Variants in FILIP1 observed in about 807,000 individuals in gnomAD.
FILIP1 encodes the protein filamin A interacting protein 1.
A neutral mutation model predicts 102.1 loss-of-function variants in FILIP1; 61 were observed. The ratio of observed to expected loss-of-function variants is 0.60; its 90% CI spans 0.49 to 0.74. FILIP1 has a LOEUF of 0.74. Among genes scored for constraint, FILIP1 ranks in the 30% least tolerant of loss-of-function variants. FILIP1 has a pLI of 0.00. For missense variants in FILIP1, 1,314 were observed against 1,441.2 expected (o/e 0.91, Z 1.43); for synonymous variants, 491 against 526.9 (o/e 0.93, Z 0.93).
At chr6:75,340,589 T>A (rs1208900827) in intron 4 of FILIP1, among the ~76,000 whole-genome samples, 1 of 152,236 alleles carries the variant, frequency 6.6e-6, no homozygotes, top group Non-Finnish European at 1.5e-5. Context: ...CAATACCATG[T>A]TATTTTATGA....
chr6:75,298,102 C>T (rs1164874526), intron 6 of FILIP1, among the ~76,000 whole-genome samples: 2 of 152,068 alleles, frequency 1.3e-5, no homozygotes, highest in African/African-American at 2.4e-5. Context: ...TTTTGCACAA[C>T]TTAAGAGTTG....
chr6:75,296,330 C>T (rs930320534), intron 6 of FILIP1, among the ~76,000 whole-genome samples: 20 of 135,266 alleles, frequency 1.5e-4, no homozygotes, highest in Non-Finnish European at 2.7e-4. Flanking sequence ...ATTTACACCT[C>T]TTCAATTTCT....
intron 4 of FILIP1, among the ~76,000 whole-genome samples, chr6:75,346,479 C>T (rs1386970278): frequency 2.6e-5 from 4 of 152,086 alleles, no homozygotes; most frequent in Non-Finnish European, 5.9e-5. Context: ...GTGAAATGAA[C>T]CTCAAGGGCA....
chr6:75,364,052 T>A (rs909727591), intron 2 of FILIP1, among the ~76,000 whole-genome samples: 2 of 152,248 alleles, frequency 1.3e-5, no homozygotes, highest in Non-Finnish European at 2.9e-5. Flanking sequence ...TGTTGCTTTT[T>A]TGGTCTCCAA....
intron 2 of FILIP1, among the ~76,000 whole-genome samples, chr6:75,367,865 CA>C (rs1237626566): frequency 6.6e-6 from 1 of 152,012 alleles, no homozygotes; most frequent in Non-Finnish European, 1.5e-5. Context: ...GAATAAAGTT[CA>C]AAATGTAAGA....
intron 1 of FILIP1, among the ~76,000 whole-genome samples, chr6:75,433,710 A>G (rs913881669): frequency 6.6e-6 from 1 of 152,148 alleles, no homozygotes; most frequent in Non-Finnish European, 1.5e-5. Context: ...CCATTTGTCA[A>G]TTTTGGCTTT....
intron 4 of FILIP1, among the ~76,000 whole-genome samples, chr6:75,345,524 C>T (rs117270309): frequency 2.0e-5 from 3 of 151,784 alleles, no homozygotes; most frequent in Non-Finnish European, 4.4e-5. Flanking sequence ...GCCAGCCTCA[C>T]GTACAGTAAG....
At chr6:75,423,833 T>C (rs1302827090) in intron 1 of FILIP1, among the ~76,000 whole-genome samples, 1 of 152,190 alleles carries the variant, frequency 6.6e-6, no homozygotes, top group Non-Finnish European at 1.5e-5. Flanking sequence ...CAGAAAATGC[T>C]TTCCAAGAGT....
intron 1 of FILIP1, chr6:75,428,354 G>A (rs899734312): frequency 6.5e-6 from 1 of 152,940 alleles, no homozygotes; most frequent in Non-Finnish European, 1.5e-5. Context: ...TAAAAGCCTA[G>A]GGCAGTGGTG....
chr6:75,355,504 C>A (rs547239145), intron 3 of FILIP1, among the ~76,000 whole-genome samples: 1 of 151,112 alleles, frequency 6.6e-6, no homozygotes, highest in Non-Finnish European at 1.5e-5. Flanking sequence ...TGGGTTCAAG[C>A]GATTCTCCTG....
At chr6:75,377,065 A>G (rs556019298) in intron 2 of FILIP1, among the ~76,000 whole-genome samples, 1 of 152,188 alleles carries the variant, frequency 6.6e-6, no homozygotes, top group Admixed American at 6.5e-5. Context: ...CTCATGCTGA[A>G]GGTAAATATT....
chr6:75,347,897 G>T (rs962611618), intron 4 of FILIP1, among the ~76,000 whole-genome samples: 1 of 152,160 alleles, frequency 6.6e-6, no homozygotes, highest in Non-Finnish European at 1.5e-5. Flanking sequence ...CTCTTAAGAA[G>T]CTGATTTGTA....
At chr6:75,432,745 G>C (rs976822381) in intron 1 of FILIP1, among the ~76,000 whole-genome samples, 2 of 151,550 alleles carry the variant, frequency 1.3e-5, no homozygotes, top group East Asian at 3.9e-4. Flanking sequence ...GGTTTGTTAC[G>C]TATGTATACA....
chr6:75,312,371 T>G (rs1468362881), intron 5 of FILIP1, 26 bp downstream of exon 5: 1 of 1,596,760 alleles, frequency 6.3e-7, no homozygotes, highest in Non-Finnish European at 8.5e-7. Context: ...TCTGCAGGCC[T>G]GCGCTTTGGA....
downstream of FILIP1, among the ~76,000 whole-genome samples, chr6:75,304,602 A>G (rs919140774): frequency 1.0e-4 from 16 of 152,386 alleles, no homozygotes; most frequent in South Asian, 3.3e-3. Context: ...GGATGTAATC[A>G]TATTGGGAAA....
exon 7 of FILIP1, chr6:75,292,502 T>C (rs1445985530): frequency 6.6e-6 from 1 of 152,228 alleles, no homozygotes; most frequent in Non-Finnish European, 1.5e-5. Context: ...ATGGAATAAA[T>C]GCTGAAAAAT....
intron 4 of FILIP1, among the ~76,000 whole-genome samples, chr6:75,351,012 G>A (rs11755411): frequency 0.16 from 24,893 of 152,114 alleles, 2,154 homozygotes; most frequent in South Asian, 0.25. Flanking sequence ...ACAAGGGACT[G>A]CATATATGAT....
At chr6:75,385,294 A>G (rs1776052979) in intron 2 of FILIP1, among the ~76,000 whole-genome samples, 1 of 152,180 alleles carries the variant, frequency 6.6e-6, no homozygotes. Flanking sequence ...TCATATGCTA[A>G]TTAATTTTTA....
intron 1 of FILIP1, chr6:75,453,941 G>C (rs1025130355): frequency 2.2e-6 from 1 of 456,310 alleles, no homozygotes; most frequent in African/African-American, 2.0e-5. Context: ...CAATGACAAA[G>C]AACACTGTAT....
Sources: gnomAD v4.1 joint callset for allele counts (sites outside exome capture counted in the v4.1 genomes callset) on GRCh38, gnomAD v4.1.1 for gene constraint, MANE v1.5 for transcripts, NCBI Gene and HGNC (gene_info 2026-07-23, HGNC 2026-07-21) for gene names.